The following ZFPM2 variants were observed in gnomAD, a reference collection of about 807,000 sequenced individuals.
ZFPM2 encodes zinc finger protein, FOG family member 2.
Under a neutral mutation model 98.6 loss-of-function variants are expected in ZFPM2, and 20 were observed. The ratio of observed to expected loss-of-function variants is 0.20; its 90% CI spans 0.14 to 0.29. The LOEUF is 0.29. Ranked by LOEUF, ZFPM2 falls within the 10% of genes least tolerant of loss-of-function variation. The pLI is 1.00. For missense variants in ZFPM2, 1,310 were observed against 1,388.6 expected (o/e 0.94, Z 0.90); for synonymous variants, 518 against 502.7 (o/e 1.03, Z -0.41).
intron 4 of ZFPM2, among the ~76,000 whole-genome samples, chr8:105,597,433 A>G (rs192754861): frequency 9.2e-5 from 14 of 152,114 alleles, no homozygotes; most frequent in Admixed American, 3.3e-4. Context: ...TGAGAAAAAG[A>G]GAGCAGACCT....
chr8:105,488,489 C>T (rs66479197), intron 3 of ZFPM2, among the ~76,000 whole-genome samples: 13,071 of 152,062 alleles, frequency 0.086, 672 homozygotes, highest in South Asian at 0.14. Context: ...CAGCCGGGCG[C>T]GGTGGTTTAC....
chr8:105,678,534 A>G (rs1810522747), intron 5 of ZFPM2: 1 of 152,196 alleles, frequency 6.6e-6, no homozygotes, highest in Non-Finnish European at 1.5e-5. Context: ...CCATCTGGAC[A>G]CCACATATGA....
intron 5 of ZFPM2, among the ~76,000 whole-genome samples, chr8:105,696,437 A>G (rs915484867): frequency 1.5e-4 from 23 of 152,218 alleles, no homozygotes; most frequent in African/African-American, 5.3e-4. Flanking sequence ...TTTCATTTCT[A>G]TTAACTTTGA....
At chr8:105,675,857 A>T (rs1424640452) in intron 5 of ZFPM2, 1 of 152,162 alleles carries the variant, frequency 6.6e-6, no homozygotes, top group South Asian at 2.1e-4. Context: ...CTTTTTATTC[A>T]TAGCAATCTT....
chr8:105,558,445 G>A (rs1038468234), intron 3 of ZFPM2, among the ~76,000 whole-genome samples: 3 of 152,132 alleles, frequency 2.0e-5, no homozygotes, highest in Non-Finnish European at 4.4e-5. Context: ...ACAGTTACTG[G>A]ACTTTCTGTT....
intron 3 of ZFPM2, among the ~76,000 whole-genome samples, chr8:105,498,674 G>A (rs1813525887): frequency 6.6e-6 from 1 of 152,204 alleles, no homozygotes; most frequent in East Asian, 1.9e-4. Context: ...GATGTGGAGG[G>A]AAGAGCATAT....
chr8:105,319,295 C>CGGA (rs1241904318), intron 1 of ZFPM2, among the ~76,000 whole-genome samples: 3 of 152,184 alleles, frequency 2.0e-5, no homozygotes, highest in Admixed American at 2.0e-4. Context: ...GTCGTCCAGC[C>CGGA]GGAGGGGCAG....
At chr8:105,671,711 G>A (rs1817600007) in intron 5 of ZFPM2, among the ~76,000 whole-genome samples, 2 of 151,966 alleles carry the variant, frequency 1.3e-5, no homozygotes, top group African/African-American at 4.8e-5. Context: ...ATAAGTAATA[G>A]CAATAAATAT....
chr8:105,470,190 CTTCTTCTTTT>C (rs1394225806), intron 3 of ZFPM2, among the ~76,000 whole-genome samples: 1 of 152,024 alleles, frequency 6.6e-6, no homozygotes, highest in African/African-American at 2.4e-5. Flanking sequence ...TTTCTTCTTC[CTTCTTCTTTT>C]AAATTTATTT....
chr8:105,760,035 GT>G (rs1449391092), intron 5 of ZFPM2, among the ~76,000 whole-genome samples: 1 of 152,012 alleles, frequency 6.6e-6, no homozygotes, highest in Non-Finnish European at 1.5e-5. Flanking sequence ...TCCTGAGAGA[GT>G]TCAGGGGCTT....
At chr8:105,666,664 G>A (rs1444681655) in intron 5 of ZFPM2, among the ~76,000 whole-genome samples, 1 of 152,190 alleles carries the variant, frequency 6.6e-6, no homozygotes, top group African/African-American at 2.4e-5. Flanking sequence ...ATATTACTAA[G>A]AGGTTTTTTG....
intron 1 of ZFPM2, among the ~76,000 whole-genome samples, chr8:105,333,639 G>A (rs1361772989): frequency 1.3e-5 from 2 of 151,574 alleles, no homozygotes; most frequent in East Asian, 3.9e-4. Context: ...GCTCATTACA[G>A]CATGGTTTCT....
intron 5 of ZFPM2, among the ~76,000 whole-genome samples, chr8:105,738,786 T>C (rs889947146): frequency 1.1e-4 from 16 of 152,086 alleles, no homozygotes; most frequent in African/African-American, 1.7e-4. Flanking sequence ...AAGCTTTTTT[T>C]TTCATATGAA....
At chr8:105,493,969 T>C (rs1300330971) in intron 3 of ZFPM2, among the ~76,000 whole-genome samples, 26 of 151,698 alleles carry the variant, frequency 1.7e-4, no homozygotes, top group Admixed American at 1.7e-3. Context: ...CAAAGCAACT[T>C]CTTGAAACTA....
chr8:105,330,448 G>C (rs1006170707), intron 1 of ZFPM2, among the ~76,000 whole-genome samples: 4 of 149,802 alleles, frequency 2.7e-5, no homozygotes, highest in Non-Finnish European at 5.9e-5. Flanking sequence ...GCAGTAATTA[G>C]TAATAGGTCC....
rs113815177 is a variant in ZFPM2, at chr8:105,776,756, A to G, written c.533-11962A>G. On this transcript the variant is annotated intron_variant, in intron 5 of 7. Transcript: ENST00000407775. ...TATTTATATGCTTTTATTTCCTGGTATTCAAGGAAAACTTACTAAGTGAAT... is the reference window on the plus strand; with the variant it reads ...TATTTATATGCTTTTATTTCCTGGTGTTCAAGGAAAACTTACTAAGTGAAT... 2.5e-3 allele frequency among the ~76,000 whole-genome samples: 388 copies of G among 152,264 alleles called. 2 individuals carry two copies. The highest frequency in any genetic ancestry group is 8.8e-3 in the African/African-American group (367 of 41,552).
At chr8:105,393,260 A>G (rs1264447573) in intron 1 of ZFPM2, among the ~76,000 whole-genome samples, 3 of 152,126 alleles carry the variant, frequency 2.0e-5, no homozygotes, top group Non-Finnish European at 4.4e-5. Context: ...TAGCTGAAGC[A>G]TGTGCTATAC....
intron 3 of ZFPM2, among the ~76,000 whole-genome samples, chr8:105,497,593 C>A (rs571256991): frequency 6.6e-6 from 1 of 151,964 alleles, no homozygotes; most frequent in East Asian, 1.9e-4. Flanking sequence ...TAAGCTGGAC[C>A]CTTTATCTGT....
Position 105,803,692 on chromosome 8 carries a change from T to C in ZFPM2, c.*154T>C. 1 of 714,480 alleles carries C rather than the reference T, an allele frequency of 1.4e-6. No individual in the cohort carries two copies. Among genetic ancestry groups the C allele is most frequent in the Admixed American group, 2.9e-5 (1 of 34,980 alleles). The allele number at this position is 714,480 out of a possible 1,614,324, so 44.3% of individuals were successfully genotyped here. A position where few individuals can be genotyped will look rare whatever the true frequency, so the allele number is the denominator to read the frequency against. On this transcript the variant is annotated 3_prime_UTR_variant, in exon 8 of 8. Coordinates refer to ENST00000407775, the MANE Select transcript of ZFPM2 (RefSeq NM_012082.4). ...GACTTAAGGTGTAATTTCATTACAGTCCATTAGTAAAGTGTATTATTGGTG... is the reference window on the plus strand; with the variant it reads ...GACTTAAGGTGTAATTTCATTACAGCCCATTAGTAAAGTGTATTATTGGTG...
Sources: allele counts gnomAD v4.1 joint callset (sites outside exome capture counted in the v4.1 genomes callset), GRCh38; gene constraint gnomAD v4.1.1; transcripts MANE v1.5; gene names NCBI Gene and HGNC (gene_info 2026-07-23, HGNC 2026-07-21).